Variants in FMN1 observed in about 807,000 individuals in gnomAD.
The protein encoded by FMN1 is formin-1.
A neutral mutation model predicts 132.4 loss-of-function variants in FMN1; 110 were observed. The observed-to-expected ratio is 0.83, with a 90% CI of 0.71 to 0.97. The LOEUF (loss-of-function observed/expected upper bound fraction) is 0.97, where lower values mean the gene tolerates loss of function less well. Ranked by LOEUF, FMN1 falls within the 50% of genes least tolerant of loss-of-function variation. The probability of loss-of-function intolerance (pLI) is 0.00; values close to 1 mark genes in which losing one functional copy is unlikely to be tolerated. For synonymous variants in FMN1, 722 were observed against 651.7 expected, an observed-to-expected ratio of 1.11 and a Z score of -1.64; for missense variants, 1,792 against 1,705.3, an observed-to-expected ratio of 1.05 and a Z score of -0.90.
intron 4 of FMN1, 56 bp downstream of exon 4, chr15:33,152,992 T>C: frequency 7.0e-7 from 1 of 1,432,192 alleles, no homozygotes; most frequent in Non-Finnish European, 9.2e-7. Flanking sequence ...ACAGGCAGAC[T>C]GATAGTTCCC....
chr15:32,843,076 G>A (rs1315801281), intron 17 of FMN1, among the ~76,000 whole-genome samples: 1 of 148,884 alleles, frequency 6.7e-6, no homozygotes, highest in Non-Finnish European at 1.5e-5. Flanking sequence ...GTGGTGAGCC[G>A]AGATCACACC....
At chr15:33,191,385 G>GA (rs922287052) in intron 2 of FMN1, among the ~76,000 whole-genome samples, 11 of 151,558 alleles carry the variant, frequency 7.3e-5, no homozygotes, top group East Asian at 1.9e-4. Context: ...GTTGGTTAAA[G>GA]AAAAAAAAAC....
Position 32,903,737 on chromosome 15 carries a change from T to C in FMN1, c.3378-1697A>G, listed in dbSNP as rs557895977. Reference sequence around the variant, plus strand: ...ATAACTAATCTCAAAAGAGGAAGCATAGGACCAATATGAGGCGACAAGACC... The same window carrying C: ...ATAACTAATCTCAAAAGAGGAAGCACAGGACCAATATGAGGCGACAAGACC... On this transcript the variant is annotated intron_variant, in intron 12 of 20. Coordinates refer to ENST00000616417, the MANE Select transcript of FMN1 (RefSeq NM_001277313.2). 2.6e-5 allele frequency among the ~76,000 whole-genome samples: 4 copies of C among 152,254 alleles called. No homozygotes were observed. In the South Asian group the frequency reaches 8.3e-4, roughly 32 times the overall value.
Position 32,926,221 on chromosome 15 carries a change from C to A in FMN1, c.3179G>T (p.Gly1060Val). ...LLDGKRSQTV[G>V]ILISSLHLEM... ...TAAATGTAAACTAGATATCAAGATT[C>A]CCACAGTTTGAGATCGTTTTCCATC... Residue 1060 changes from glycine to valine, a missense_variant, in exon 10 of 21, where the codon GGA becomes GTA. Around this residue, in one of 3 missense-constraint regions of FMN1, gnomAD observed 1,150 missense variants for 1,043.1 expected, o/e 1.10. Coordinates refer to ENST00000616417, the MANE Select transcript of FMN1 (RefSeq NM_001277313.2). 6.4e-7 allele frequency: 1 copy of A among 1,562,536 alleles called. No individual in the cohort carries two copies. Among genetic ancestry groups the A allele is most frequent in the Non-Finnish European group, 8.7e-7 (1 of 1,155,376 alleles).
At chr15:32,974,220 CCT>C (rs1479104912) in intron 7 of FMN1, among the ~76,000 whole-genome samples, 6 of 152,230 alleles carry the variant, frequency 3.9e-5, no homozygotes, top group East Asian at 1.9e-4. Flanking sequence ...CAAGATTTCC[CCT>C]CTCTCACTCT....
intron 10 of FMN1, among the ~76,000 whole-genome samples, chr15:32,925,086 C>T (rs1338303587): frequency 6.6e-6 from 1 of 152,188 alleles, no homozygotes; most frequent in Non-Finnish European, 1.5e-5. Context: ...AATCTCTTCT[C>T]TTTAAATGTC....
intron 16 of FMN1, among the ~76,000 whole-genome samples, chr15:32,859,140 GT>G (rs1267737712): frequency 6.6e-6 from 1 of 152,096 alleles, no homozygotes; most frequent in Non-Finnish European, 1.5e-5. Flanking sequence ...GTTGGATTAT[GT>G]TTTTTTAAGA....
At chr15:33,031,614 G>A (rs540081088) in intron 6 of FMN1, among the ~76,000 whole-genome samples, 15 of 152,148 alleles carry the variant, frequency 9.9e-5, no homozygotes, top group Admixed American at 2.0e-4. Context: ...CTGGAGCCGC[G>A]TTCACAGCTG....
At chr15:33,141,899 G>A (rs1246773951) in intron 4 of FMN1, among the ~76,000 whole-genome samples, 3 of 152,084 alleles carry the variant, frequency 2.0e-5, no homozygotes, top group Admixed American at 1.3e-4. Context: ...TCCCAGCAGC[G>A]GAGAGAACAG....
chr15:32,850,793 A>G (rs1372601155), intron 17 of FMN1, among the ~76,000 whole-genome samples: 3 of 152,102 alleles, frequency 2.0e-5, no homozygotes, highest in African/African-American at 7.2e-5. Context: ...AAATTTATCT[A>G]TTTTTTACTA....
At chr15:33,023,848 T>C (rs557151122) in intron 6 of FMN1, among the ~76,000 whole-genome samples, 40 of 152,310 alleles carry the variant, frequency 2.6e-4, no homozygotes, top group African/African-American at 9.1e-4. Flanking sequence ...GACTATTTTT[T>C]TAAAGCCACA....
At chr15:33,062,652 G>A (rs1286537129) in intron 6 of FMN1, 4 of 152,056 alleles carry the variant, frequency 2.6e-5, no homozygotes, top group Admixed American at 6.6e-5. Flanking sequence ...AATCGGAAAA[G>A]AACAGTAGTC....
In FMN1 at chr15:32,908,577, CTCTG is replaced by C; in HGVS notation, c.3289-3_3289del. The C allele has an allele frequency of 1.6e-6, 2 of 1,272,202 alleles. No homozygotes were observed. Among genetic ancestry groups the C allele is most frequent in the Non-Finnish European group, 2.2e-6 (2 of 895,234 alleles). The allele number at this position is 1,272,202 out of a possible 1,614,324, so 78.8% of individuals were successfully genotyped here. A position where few individuals can be genotyped will look rare whatever the true frequency, so the allele number is the denominator to read the frequency against. On this transcript the variant is annotated splice_acceptor_variant and splice_polypyrimidine_tract_variant and coding_sequence_variant and intron_variant, in exon 12 of 21. Transcript: ENST00000616417. LOFTEE classifies it high-confidence loss of function. ...TTTAACCAGCTCATCCTCTTGGGCT[CTCTG>C]TATCAAAATAGAAAACAAAACCAAA...
chr15:32,846,213 T>C lies in FMN1; in HGVS notation c.3928+10802A>G, dbSNP rs368015226. On this transcript the variant is annotated intron_variant, in intron 17 of 20. Coordinates refer to ENST00000616417, the MANE Select transcript of FMN1 (RefSeq NM_001277313.2). ...ACTAAAATAATAAAAGTTGTATGTA[T>C]GTAGAAAAAAGTATTGCTTAATCTA... Among the ~76,000 whole-genome samples, 175 of 152,304 alleles carry C rather than the reference T, an allele frequency of 1.1e-3. 1 individual carries two copies. The South Asian group carries it at 0.014, about 12-fold the overall frequency.
chr15:32,906,275 T>C (rs538468440), intron 12 of FMN1, among the ~76,000 whole-genome samples: 5 of 152,286 alleles, frequency 3.3e-5, no homozygotes, highest in Non-Finnish European at 2.9e-5. Flanking sequence ...TGTTTTTGTA[T>C]GGCCCATGAA....
chr15:32,989,688 A>G (rs187726296), intron 7 of FMN1, among the ~76,000 whole-genome samples: 58 of 152,276 alleles, frequency 3.8e-4, no homozygotes, highest in African/African-American at 1.4e-3. Context: ...AACAACCTAA[A>G]TAATCGATAA....
chr15:32,964,048 C>CACACACACACACACACACACACAT lies in FMN1; in HGVS notation c.3138+58_3138+59insATGTGTGTGTGTGTGTGTGTGTGT, dbSNP rs753118665. 2.7e-6 allele frequency: 3 copies of CACACACACACACACACACACACAT among 1,124,920 alleles called. No homozygotes were observed. The African/African-American group carries it at 5.3e-5, about 20-fold the overall frequency. The allele number at this position is 1,124,920 out of a possible 1,614,324, so 69.7% of individuals were successfully genotyped here. On this transcript the variant is annotated intron_variant, in intron 9 of 20. Coordinates refer to ENST00000616417, the MANE Select transcript of FMN1 (RefSeq NM_001277313.2). ...ACACACACACACACACACACACACACATATATACCATTTCCCTGTATAATA... is the reference window on the plus strand; with the variant it reads ...ACACACACACACACACACACACACACACACACACACACACACACACACATATATATACCATTTCCCTGTATAATA...
chr15:33,012,454 GA>G, intron 6 of FMN1: 1 of 1,049,416 alleles, frequency 9.5e-7, no homozygotes, highest in South Asian at 1.2e-5. Context: ...TGGCATTAAA[GA>G]AGACACAGAA....
intron 5 of FMN1, among the ~76,000 whole-genome samples, chr15:33,073,219 A>T (rs1350161840): frequency 6.6e-6 from 1 of 152,224 alleles, no homozygotes; most frequent in Non-Finnish European, 1.5e-5. Flanking sequence ...ACGTGAAAGT[A>T]AAGCAAACAG....
Sources: gnomAD v4.1 joint callset for allele counts (sites outside exome capture counted in the v4.1 genomes callset) on GRCh38, gnomAD v4.1.1 for gene constraint, gnomAD v4.1.1 regional missense constraint, MANE v1.5 for transcripts, NCBI Gene and HGNC (gene_info 2026-07-23, HGNC 2026-07-21) for gene names.